The following RANBP17 variants were observed in gnomAD, a reference collection of about 807,000 sequenced individuals.
RANBP17 encodes the protein ran-binding protein 17.
In RANBP17, 158 loss-of-function variants were observed where a neutral mutation model predicts 141.2. That is an observed-to-expected ratio of 1.12 (90% CI 0.98 to 1.28). The LOEUF (loss-of-function observed/expected upper bound fraction) is 1.28, where lower values mean the gene tolerates loss of function less well. RANBP17 is among the 50% of genes most tolerant of loss of function. The pLI, the probability that RANBP17 is intolerant of heterozygous loss-of-function variation, is 0.00. For missense variants in RANBP17, 1,438 were observed against 1,290.7 expected, an observed-to-expected ratio of 1.11 and a Z score of -1.75; for synonymous variants, 430 against 450.0, an observed-to-expected ratio of 0.96 and a Z score of 0.56.
intron 14 of RANBP17, among the ~76,000 whole-genome samples, chr5:171,112,588 A>G (rs1397719264): frequency 7.2e-5 from 11 of 152,074 alleles, no homozygotes; most frequent in Admixed American, 7.2e-4. Flanking sequence ...GAAAAAGGAA[A>G]CACTGATTGA....
At chr5:171,137,084 AAG>A (rs1757339991) in intron 14 of RANBP17, among the ~76,000 whole-genome samples, 1 of 152,152 alleles carries the variant, frequency 6.6e-6, no homozygotes, top group African/African-American at 2.4e-5. Context: ...TAGCATCCTA[AAG>A]AGAGAATATC....
In RANBP17 at chr5:171,269,303, G is replaced by C. The variant is rs1440437500; in HGVS notation, c.2943+3456G>C. Among the ~76,000 whole-genome samples, 6 of 152,280 alleles carry C rather than the reference G, an allele frequency of 3.9e-5. No individual in the cohort carries two copies. The South Asian group carries it at 1.0e-3, about 26-fold the overall frequency. On this transcript the variant is annotated intron_variant, in intron 25 of 27. Transcript: ENST00000523189. ...GAAATTTTGACTCTTCCCTTTATGA[G>C]GCAGTAAAATTGATAATTATTCAGA...
chr5:170,877,496 A>C (rs1768284456), intron 1 of RANBP17, among the ~76,000 whole-genome samples: 1 of 152,164 alleles, frequency 6.6e-6, no homozygotes, highest in Admixed American at 6.5e-5. Flanking sequence ...TCCTGGGCTC[A>C]AGCGATCCTT....
intron 14 of RANBP17, among the ~76,000 whole-genome samples, chr5:171,016,867 C>A (rs1443914792): frequency 6.6e-6 from 1 of 151,960 alleles, no homozygotes; most frequent in Admixed American, 6.6e-5. Flanking sequence ...TGGTTTGCTG[C>A]ACCTATTGAC....
chr5:170,914,065 C>T (rs1455832745), intron 7 of RANBP17, 102 bp from the exon 8 acceptor site: 9 of 747,020 alleles, frequency 1.2e-5, no homozygotes, highest in Middle Eastern at 5.3e-4. Flanking sequence ...GGAATGGCCA[C>T]ATGCAGAGGC....
At chr5:170,947,569 C>G (rs1243895613) in intron 12 of RANBP17, among the ~76,000 whole-genome samples, 1 of 152,138 alleles carries the variant, frequency 6.6e-6, no homozygotes, top group African/African-American at 2.4e-5. Flanking sequence ...ATTATTATCT[C>G]TCAGTGTTCT....
chr5:170,881,052 T>A (rs1768628108), intron 2 of RANBP17, among the ~76,000 whole-genome samples: 1 of 152,126 alleles, frequency 6.6e-6, no homozygotes, highest in South Asian at 2.1e-4. Flanking sequence ...TAATAAACTT[T>A]ATGGACACCA....
intron 25 of RANBP17, among the ~76,000 whole-genome samples, chr5:171,267,445 G>C (rs765387795): frequency 6.6e-6 from 1 of 152,048 alleles, no homozygotes; most frequent in South Asian, 2.1e-4. Flanking sequence ...TTTGTAATTT[G>C]CAAATGTAAA....
At chr5:170,935,585 C>T (rs1773799501) in intron 12 of RANBP17, among the ~76,000 whole-genome samples, 1 of 152,166 alleles carries the variant, frequency 6.6e-6, no homozygotes, top group Non-Finnish European at 1.5e-5. Flanking sequence ...ACTCCAGACC[C>T]TGTTTGCCTG....
chr5:170,982,232 A>T (rs1581309670), intron 14 of RANBP17, among the ~76,000 whole-genome samples: 1 of 143,842 alleles, frequency 7.0e-6, no homozygotes, highest in East Asian at 2.1e-4. Context: ...ATAGATATAG[A>T]TATATAGGAT....
At chr5:171,099,023 G>A (rs1487130734) in intron 14 of RANBP17, among the ~76,000 whole-genome samples, 3 of 152,192 alleles carry the variant, frequency 2.0e-5, no homozygotes, top group Non-Finnish European at 2.9e-5. Context: ...TAGCCTTGCA[G>A]TATAGTTTGA....
intron 21 of RANBP17, among the ~76,000 whole-genome samples, chr5:171,214,151 A>G (rs1338450867): frequency 6.6e-6 from 1 of 152,202 alleles, no homozygotes; most frequent in Non-Finnish European, 1.5e-5. Flanking sequence ...TCTCACAGCA[A>G]TTCAATTCAT....
intron 14 of RANBP17, among the ~76,000 whole-genome samples, chr5:171,022,461 A>G (rs1029702089): frequency 6.6e-6 from 1 of 152,172 alleles, no homozygotes; most frequent in African/African-American, 2.4e-5. Context: ...GCCCAGGGAG[A>G]TCTAGGTTCT....
At chr5:171,185,671 T>C (rs988635414) in intron 18 of RANBP17, among the ~76,000 whole-genome samples, 4 of 152,220 alleles carry the variant, frequency 2.6e-5, no homozygotes, top group African/African-American at 9.6e-5. Context: ...CCACTTCTAA[T>C]TATAGGTCTC....
chr5:171,262,093 C>A (rs549208676), intron 24 of RANBP17, among the ~76,000 whole-genome samples: 12 of 152,272 alleles, frequency 7.9e-5, no homozygotes, highest in Middle Eastern at 3.4e-3. Flanking sequence ...TAGATGGGAA[C>A]CTTTTAATGC....
intron 20 of RANBP17, among the ~76,000 whole-genome samples, chr5:171,211,557 C>T (rs530761685): frequency 1.3e-5 from 2 of 151,848 alleles, no homozygotes; most frequent in Non-Finnish European, 2.9e-5. Context: ...CCACCATGCC[C>T]GACTTTCTTT....
At chr5:170,894,486 T>TATATATATATATATA (rs376342999) in intron 4 of RANBP17, among the ~76,000 whole-genome samples, 1,647 of 133,198 alleles carry the variant, frequency 0.012, 91 homozygotes, top group South Asian at 0.048. Context: ...TACGTGTTTT[T>TATATATATATATATA]TATATATATA....
chr5:171,135,356 A>G (rs868035321), intron 14 of RANBP17, among the ~76,000 whole-genome samples: 2 of 152,140 alleles, frequency 1.3e-5, no homozygotes, highest in Non-Finnish European at 2.9e-5. Context: ...TTAAAAAGCA[A>G]AAATTGGATA....
At chr5:171,154,031 A>T (rs954650546) in intron 14 of RANBP17, among the ~76,000 whole-genome samples, 9 of 151,958 alleles carry the variant, frequency 5.9e-5, no homozygotes, top group Non-Finnish European at 8.8e-5. Context: ...CCATCTCAAA[A>T]AAATAAATAA....
Sources: allele counts gnomAD v4.1 joint callset (sites outside exome capture counted in the v4.1 genomes callset), GRCh38; gene constraint gnomAD v4.1.1; transcripts MANE v1.5; gene names NCBI Gene and HGNC (gene_info 2026-07-23, HGNC 2026-07-21).